The following NID1 variants were observed in gnomAD, a reference collection of about 807,000 sequenced individuals.
The protein encoded by NID1 is nidogen-1.
Under a neutral mutation model 130.6 loss-of-function variants are expected in NID1, and 76 were observed. The observed-to-expected ratio is 0.58, with a 90% CI of 0.48 to 0.70. The LOEUF is 0.70. Among genes scored for constraint, NID1 ranks in the 30% least tolerant of loss-of-function variants. The pLI, the probability that NID1 is intolerant of heterozygous loss-of-function variation, is 0.00. For synonymous variants in NID1, 665 were observed against 675.1 expected, an observed-to-expected ratio of 0.98 and a Z score of 0.23; for missense variants, 1,517 against 1,664.8, an observed-to-expected ratio of 0.91 and a Z score of 1.54.
intron 4 of NID1, among the ~76,000 whole-genome samples, chr1:236,039,053 T>A (rs113633105): frequency 2.6e-4 from 36 of 141,002 alleles, no homozygotes; most frequent in Admixed American, 2.4e-3. Flanking sequence ...TTACATTATA[T>A]ATTTATATAT....
At chr1:236,046,171 T>G (rs938683152) in intron 2 of NID1, among the ~76,000 whole-genome samples, 3 of 152,234 alleles carry the variant, frequency 2.0e-5, no homozygotes, top group Non-Finnish European at 4.4e-5. Flanking sequence ...CTCATTATTA[T>G]GTGACTTGGG....
chr1:235,990,396 C>T (rs1657698055), intron 14 of NID1, among the ~76,000 whole-genome samples: 1 of 152,204 alleles, frequency 6.6e-6, no homozygotes, highest in African/African-American at 2.4e-5. Context: ...CTCTCCTTCA[C>T]TCCTCATAGG....
intron 12 of NID1, among the ~76,000 whole-genome samples, chr1:235,996,814 G>A (rs186048754): frequency 6.6e-6 from 1 of 151,874 alleles, no homozygotes; most frequent in African/African-American, 2.4e-5. Flanking sequence ...CTGGACTCGA[G>A]TCATCTTCCT....
intron 1 of NID1, among the ~76,000 whole-genome samples, chr1:236,051,061 A>G (rs72765464): frequency 0.059 from 9,026 of 152,196 alleles, 792 homozygotes; most frequent in African/African-American, 0.19. Flanking sequence ...ACTCCAGCCT[A>G]GGCAACAGAG....
Position 236,011,973 on chromosome 1 carries a change from C to A in NID1, c.2475G>T (p.Thr825=). The part of the protein sequence containing the change: ...AFCYNTPGSF[T]CQCKPGYQGD... ...CCTGATAACCAGGTTTGCACTGGCA[C>A]GTGAAAGAGCCTGGAGTGTTGTAGC... Residue 825 remains threonine, a synonymous_variant, in exon 12 of 20, where the codon ACG becomes ACT. Coordinates refer to ENST00000264187, the MANE Select transcript of NID1 (RefSeq NM_002508.3). 1.2e-6 allele frequency: 2 copies of A among 1,614,220 alleles called. No homozygotes were observed. The highest frequency in any genetic ancestry group is 1.7e-6 in the Non-Finnish European group (2 of 1,180,042).
intron 13 of NID1, among the ~76,000 whole-genome samples, chr1:235,992,472 C>T (rs905461694): frequency 9.9e-5 from 15 of 152,212 alleles, no homozygotes; most frequent in Admixed American, 2.0e-4. Context: ...CCAGGCTCCT[C>T]GTTGCCCTCA....
chr1:236,030,912 CT>C (rs1659079758), intron 6 of NID1, among the ~76,000 whole-genome samples: 1 of 152,100 alleles, frequency 6.6e-6, no homozygotes, highest in East Asian at 1.9e-4. Context: ...AAAAAACAAA[CT>C]GTGAAAAGCT....
At chr1:235,999,619 G>C (rs1049609389) in intron 12 of NID1, among the ~76,000 whole-genome samples, 2 of 152,092 alleles carry the variant, frequency 1.3e-5, no homozygotes, top group African/African-American at 4.8e-5. Context: ...TCAGACAAGC[G>C]TCTTCTTACT....
At chr1:235,983,457 G>T (rs1005201431) in intron 15 of NID1, among the ~76,000 whole-genome samples, 1 of 152,190 alleles carries the variant, frequency 6.6e-6, no homozygotes, top group Non-Finnish European at 1.5e-5. Context: ...GTCCCTTCTG[G>T]CTTTCAGATA....
intron 12 of NID1, among the ~76,000 whole-genome samples, chr1:235,997,961 C>T (rs561981463): frequency 6.6e-6 from 1 of 152,148 alleles, no homozygotes; most frequent in African/African-American, 2.4e-5. Flanking sequence ...ACAGATTAAG[C>T]TGTGCCTCCT....
At chr1:235,987,163 C>A (rs1329396367) in intron 14 of NID1, among the ~76,000 whole-genome samples, 1 of 152,120 alleles carries the variant, frequency 6.6e-6, no homozygotes, top group Non-Finnish European at 1.5e-5. Flanking sequence ...TCAGACAAGG[C>A]AAATCAATTA....
chr1:235,992,581 C>T (rs1173153964), intron 13 of NID1, among the ~76,000 whole-genome samples: 1 of 152,192 alleles, frequency 6.6e-6, no homozygotes, highest in Non-Finnish European at 1.5e-5. Context: ...GATTCCGCCT[C>T]GGCTCCCTGG....
chr1:236,051,966 T>G (rs1200458847), intron 1 of NID1, among the ~76,000 whole-genome samples: 1 of 152,266 alleles, frequency 6.6e-6, no homozygotes, highest in Non-Finnish European at 1.5e-5. Context: ...TGCAAATGCT[T>G]TGGACAACGG....
Position 236,026,022 on chromosome 1 carries a change from G to A in NID1, c.1858C>T (p.His620Tyr), listed in dbSNP as rs1455282019. Reference sequence around the variant, plus strand: ...GGCAGGGCTGGCCGGGAGTCATCGTGGACGCATTCCTGGAAGGTGATGGTC... The same window carrying A: ...GGCAGGGCTGGCCGGGAGTCATCGTAGACGCATTCCTGGAAGGTGATGGTC... ...RQTITFQECVHDDSRPALPST... is the reference protein window; with the variant it reads ...RQTITFQECVYDDSRPALPST... The change falls in exon 8 of 20, where the codon CAC (histidine) becomes TAC (tyrosine). Residue 620 changes from histidine to tyrosine, a missense_variant. Coordinates refer to ENST00000264187, the MANE Select transcript of NID1 (RefSeq NM_002508.3). 2 of 1,613,544 alleles carry A rather than the reference G, an allele frequency of 1.2e-6. No individual in the cohort carries two copies. Among genetic ancestry groups the A allele is most frequent in the South Asian group, 2.2e-5 (2 of 91,052 alleles).
intron 12 of NID1, among the ~76,000 whole-genome samples, chr1:236,011,296 C>CTTTTTTTTTTTTT (rs3077493): frequency 2.2e-5 from 3 of 135,946 alleles, no homozygotes; most frequent in Non-Finnish European, 3.1e-5. Context: ...CAAATATATT[C>CTTTTTTTTTTTTT]TTTTTTTTTC....
Position 236,024,141 on chromosome 1 carries a change from C to T in NID1, c.2057G>A (p.Arg686His), listed in dbSNP as rs769196315. Residue 686 changes from arginine (R) to histidine (H), a missense_variant, in exon 9 of 20, where the codon CGC becomes CAC. Coordinates refer to ENST00000264187, the MANE Select transcript of NID1 (RefSeq NM_002508.3). ...GGTGAACTGTGTCCTGGGACCAGGG[C>T]GACAGGCCGCGTTGGTGTCACACCC... The part of the protein sequence containing the change: ...THGCDTNAAC[R>H]PGPRTQFTCE... The T allele has an allele frequency of 2.8e-5, 46 of 1,614,106 alleles. No individual in the cohort carries two copies. The highest frequency in any genetic ancestry group is 1.6e-4 in the East Asian group (7 of 44,906).
intron 1 of NID1, among the ~76,000 whole-genome samples, chr1:236,063,494 AT>A (rs1454654074): frequency 5.3e-5 from 8 of 151,766 alleles, no homozygotes; most frequent in Middle Eastern, 3.4e-3. Flanking sequence ...AAATAAATAA[AT>A]AAATAAATAA....
intron 1 of NID1, 28 bp downstream of exon 1, chr1:236,064,827 C>T (rs79244079): frequency 1.3e-6 from 2 of 1,592,906 alleles, no homozygotes; most frequent in African/African-American, 1.3e-5. Context: ...CCTGCAGCCC[C>T]TCGCCCGCCC....
chr1:236,002,523 C>CA (rs1435942245), intron 12 of NID1, among the ~76,000 whole-genome samples: 1 of 151,228 alleles, frequency 6.6e-6, no homozygotes, highest in Non-Finnish European at 1.5e-5. Flanking sequence ...AACAAACAAA[C>CA]AAACAAACAA....
Sources: allele counts gnomAD v4.1 joint callset (sites outside exome capture counted in the v4.1 genomes callset), GRCh38; gene constraint gnomAD v4.1.1; transcripts MANE v1.5; gene names NCBI Gene and HGNC (gene_info 2026-07-23, HGNC 2026-07-21).